The following EFTUD2 variants were observed in gnomAD, a reference collection of about 807,000 sequenced individuals.
The protein encoded by EFTUD2 is 116 kDa U5 small nuclear ribonucleoprotein component.
In EFTUD2, 9 loss-of-function variants were observed where a neutral mutation model predicts 114.3. The observed-to-expected ratio is 0.08, with a 90% confidence interval of 0.05 to 0.14. The LOEUF is 0.14. Among genes scored for constraint, EFTUD2 ranks in the 10% least tolerant of loss-of-function variants. The probability of loss-of-function intolerance (pLI) is 1.00; values close to 1 mark genes in which losing one functional copy is unlikely to be tolerated. For synonymous variants in EFTUD2, 449 were observed against 462.3 expected (o/e 0.97, Z 0.37); for missense variants, 765 against 1,241.2 (o/e 0.62, Z 5.76).
Position 44,859,173 on chromosome 17 carries a change from C to T in EFTUD2, c.1869G>A (p.Glu623=), listed in dbSNP as rs1414898834. The T allele has an allele frequency of 6.8e-6, 11 of 1,612,320 alleles. No homozygotes were observed. The highest frequency in any genetic ancestry group is 9.3e-6 in the Non-Finnish European group (11 of 1,178,432). Residue 623 remains glutamate, a synonymous_variant, in exon 19 of 28, where the codon GAG becomes GAA. Transcript: ENST00000426333. ...TGCCCAGGATCACATGCTCGCCAGA[C>T]TCCTCCACCTGAAACACAACAGGCA... ...SYPSLTTKVE[E]SGEHVILGTG...
intron 13 of EFTUD2, 62 bp from the exon 14 acceptor site, chr17:44,865,127 G>A (rs2050722182): frequency 1.9e-6 from 3 of 1,586,808 alleles, no homozygotes; most frequent in East Asian, 2.3e-5. Flanking sequence ...GCTAGAGGGA[G>A]ACAAGGGAAG....
chr17:44,895,316 C>G (rs767753201), intron 1 of EFTUD2, among the ~76,000 whole-genome samples: 8 of 152,124 alleles, frequency 5.3e-5, no homozygotes, highest in African/African-American at 7.2e-5. Context: ...GCCAACATGG[C>G]AAAACGCTGT....
chr17:44,853,181 G>A, intron 25 of EFTUD2, 115 bp downstream of exon 25: 5 of 1,077,328 alleles, frequency 4.6e-6, no homozygotes, highest in Non-Finnish European at 5.4e-6. Flanking sequence ...AGCTCTCGGG[G>A]TTTCCAGAGA....
chr17:44,872,396 A>G, intron 11 of EFTUD2, 50 bp downstream of exon 11: 1 of 1,604,584 alleles, frequency 6.2e-7, no homozygotes, highest in Non-Finnish European at 8.5e-7. Context: ...CAGGAAAGGC[A>G]CACAGGACTC....
rs766549114 is a variant in EFTUD2 at position 44,850,599 on chromosome 17, TTC to T, written c.*673_*674del. The T allele has an allele frequency of 8.8e-5, 44 of 498,578 alleles. No homozygotes were observed. The highest frequency in any genetic ancestry group is 1.4e-4 in the Non-Finnish European group (38 of 275,048). The allele number at this position is 498,578 out of a possible 1,614,324, so 30.9% of individuals were successfully genotyped here. A position where few individuals can be genotyped will look rare whatever the true frequency, so the allele number is the denominator to read the frequency against. ...GCCCCCTACTCCAGGGCAAGGAAGA[TTC>T]TTAGGGGAGGCAGCAGTTTCCTGAG... On this transcript the variant is annotated 3_prime_UTR_variant, in exon 28 of 28. Transcript: ENST00000426333.
chr17:44,891,123 G>C (rs1387288857), intron 2 of EFTUD2, among the ~76,000 whole-genome samples: 1 of 152,126 alleles, frequency 6.6e-6, no homozygotes, highest in Non-Finnish European at 1.5e-5. Flanking sequence ...TCATGATGCT[G>C]AGTGGGAAAA....
rs748193673 is a variant in EFTUD2 at position 44,875,945 on chromosome 17, A to G, written c.858T>C (p.Asn286=). ...YKLRHIVDEV[N]GLISMYSTDE... ...CAGGGGTTTTCTACCTTATTAATCC[A>G]TTGACCTCATCCACAATGTGGCGCA... Residue 286 remains asparagine, a synonymous_variant, in exon 10 of 28, where the codon AAT becomes AAC. Coordinates refer to ENST00000426333, the MANE Select transcript of EFTUD2 (RefSeq NM_004247.4). 2 of 1,613,890 alleles carry G rather than the reference A, an allele frequency of 1.2e-6. No individual in the cohort carries two copies. Among genetic ancestry groups the G allele is most frequent in the Non-Finnish European group, 1.7e-6 (2 of 1,179,970 alleles).
At chr17:44,884,538 A>C (rs1282621993) in intron 4 of EFTUD2, among the ~76,000 whole-genome samples, 5 of 148,054 alleles carry the variant, frequency 3.4e-5, no homozygotes, top group African/African-American at 1.2e-4. Flanking sequence ...AAAAAGAGAG[A>C]GAGAGAGCAC....
Position 44,854,599 on chromosome 17 carries a change from G to C in EFTUD2, c.2216C>G (p.Ala739Gly), listed in dbSNP as rs547368508. Reference protein sequence around the residue: ...ARSIWAFGPDATGPNILVDDT... With the variant: ...ARSIWAFGPDGTGPNILVDDT... ...ATCCACCAGAATGTTGGGGCCAGTC[G>C]CATCAGGGCCAAAAGCCCAGATGGA... is the stretch of plus-strand genomic sequence containing the variant. The change falls in exon 22 of 28, where the codon GCG (alanine) becomes GGG (glycine). Residue 739 changes from alanine to glycine, a missense_variant. Physicochemically the swap from Ala to Gly is moderately conservative, Grantham distance 60. Around this residue, in one of 6 missense-constraint regions of EFTUD2, gnomAD observed 166 missense variants for 401.5 expected, o/e 0.41. Coordinates refer to ENST00000426333, the MANE Select transcript of EFTUD2 (RefSeq NM_004247.4). This position sits in a 1 kb window ranked among gnomAD's most constrained non-coding sequence, Gnocchi z 4.3. 8 of 1,614,152 alleles carry C rather than the reference G, an allele frequency of 5.0e-6. No individual in the cohort carries two copies. The South Asian group carries it at 5.5e-5, about 11-fold the overall frequency.
At chr17:44,896,032 AT>A (rs758855461) in intron 1 of EFTUD2, 1 of 152,234 alleles carries the variant, frequency 6.6e-6, no homozygotes, top group Non-Finnish European at 1.5e-5. Context: ...CAGGAATATC[AT>A]AGAAGTGATG....
In EFTUD2 at chr17:44,854,395, G is replaced by GC. The variant is rs774777743; in HGVS notation, c.2260-40dup. ...TGAGGCCTCCTTAGCAGTCGCCCTG[G>GC]CAACGGCTGAAGCATTTAGAGGGAG... On this transcript the variant is annotated intron_variant, in intron 22 of 27. Coordinates refer to ENST00000426333, the MANE Select transcript of EFTUD2 (RefSeq NM_004247.4). This position sits in a 1 kb window ranked among gnomAD's most constrained non-coding sequence, Gnocchi z 4.3. The GC allele has an allele frequency of 1.1e-5, 17 of 1,602,590 alleles. No individual in the cohort carries two copies. The South Asian group carries it at 1.6e-4, about 15-fold the overall frequency.
chr17:44,886,861 T>C, intron 2 of EFTUD2, 111 bp from the exon 3 acceptor site: 1 of 1,486,016 alleles, frequency 6.7e-7, no homozygotes, highest in Admixed American at 2.1e-5. Context: ...CAGCTTCTTA[T>C]TCTGAGTTCT....
At chr17:44,866,761 G>A (rs1798647229) in intron 13 of EFTUD2, among the ~76,000 whole-genome samples, 1 of 152,136 alleles carries the variant, frequency 6.6e-6, no homozygotes, top group Non-Finnish European at 1.5e-5. Flanking sequence ...GAGCATAACT[G>A]ACAAACATTT....
rs935018442 is a variant in EFTUD2, at chr17:44,851,820, A to G, written c.2716-3T>C. 6.2e-7 allele frequency: 1 copy of G among 1,606,538 alleles called. No individual in the cohort carries two copies. The highest frequency in any genetic ancestry group is 1.3e-5 in the African/African-American group (1 of 74,828). On this transcript the variant is annotated splice_region_variant and splice_polypyrimidine_tract_variant and intron_variant, in intron 26 of 27. Coordinates refer to ENST00000426333, the MANE Select transcript of EFTUD2 (RefSeq NM_004247.4). ...TCCAGGGGATCACCAGGCACAATCT[A>G]AAAGGCAAAGGAATTTCAGATGGCC...
At chr17:44,859,587 C>A in intron 18 of EFTUD2, 1 of 517,172 alleles carries the variant, frequency 1.9e-6, no homozygotes, top group Non-Finnish European at 3.5e-6. Flanking sequence ...TCAAAGTATA[C>A]TCATTAAGAA....
intron 12 of EFTUD2, 134 bp downstream of exon 12, chr17:44,868,153 G>C (rs369551477): frequency 2.2e-6 from 2 of 901,672 alleles, no homozygotes; most frequent in Non-Finnish European, 3.2e-6. Context: ...ATTTAGGGGA[G>C]GAAAGACGGT....
At chr17:44,856,354 C>T (rs1378709667) in intron 20 of EFTUD2, among the ~76,000 whole-genome samples, 1 of 150,262 alleles carries the variant, frequency 6.7e-6, no homozygotes, top group African/African-American at 2.5e-5. Flanking sequence ...CATGGCGAAA[C>T]CCCACCTCTA....
intron 26 of EFTUD2, 72 bp from the exon 27 acceptor site, chr17:44,851,889 TCTTA>T (rs1567727234): frequency 7.8e-7 from 1 of 1,275,604 alleles, no homozygotes; most frequent in Non-Finnish European, 1.1e-6. Context: ...GCAGGACTCT[TCTTA>T]TTTATTTTAT....
chr17:44,897,995 A>G (rs2051424463), intron 1 of EFTUD2, among the ~76,000 whole-genome samples: 1 of 152,202 alleles, frequency 6.6e-6, no homozygotes, highest in Non-Finnish European at 1.5e-5. Flanking sequence ...TAAGATGCTG[A>G]TATTTCTTGG....
Sources: allele counts gnomAD v4.1 joint callset (sites outside exome capture counted in the v4.1 genomes callset), GRCh38; gene constraint gnomAD v4.1.1; regional missense constraint gnomAD v4.1.1; non-coding constraint Gnocchi (gnomAD v3.1); transcripts MANE v1.5; gene names NCBI Gene and HGNC (gene_info 2026-07-23, HGNC 2026-07-21).